NCKAP5: variants seen among roughly 807,000 people sequenced by gnomAD.
The protein encoded by NCKAP5 is nck-associated protein 5.
Under a neutral mutation model 167.0 loss-of-function variants are expected in NCKAP5, and 92 were observed. The observed-to-expected ratio is 0.55, with a 90% CI of 0.47 to 0.66. The LOEUF is 0.66. NCKAP5 is among the 30% of genes least tolerant of loss of function. The pLI is 0.00. For missense variants in NCKAP5, 2,378 were observed against 2,315.0 expected (o/e 1.03, Z -0.56); for synonymous variants, 891 against 877.4 (o/e 1.02, Z -0.27).
At chr2:132,855,739 C>A (rs369952983) in intron 11 of NCKAP5, among the ~76,000 whole-genome samples, 34 of 152,350 alleles carry the variant, frequency 2.2e-4, no homozygotes, top group African/African-American at 7.9e-4. Flanking sequence ...CTACCCCTCC[C>A]TTATTGCTCT....
At chr2:133,188,449 A>G (rs2085052625) in intron 5 of NCKAP5, among the ~76,000 whole-genome samples, 2 of 152,090 alleles carry the variant, frequency 1.3e-5, no homozygotes, top group South Asian at 4.1e-4. Context: ...AGACACCTAC[A>G]GAACTCTCCA....
At chr2:133,062,921 G>T (rs1317174841) in intron 6 of NCKAP5, among the ~76,000 whole-genome samples, 5 of 152,138 alleles carry the variant, frequency 3.3e-5, no homozygotes, top group Non-Finnish European at 7.4e-5. Flanking sequence ...AATTATCAGT[G>T]TTTTTCTGCC....
chr2:133,657,866 G>A, the NCKAP5 span, among the ~76,000 whole-genome samples: 34 of 152,228 alleles, frequency 2.2e-4, no homozygotes, highest in Non-Finnish European at 4.3e-4. Context: ...TCATCCCCCT[G>A]GGGGTTAGTA....
chr2:133,485,126 G>A (rs1680794439), intron 3 of NCKAP5, among the ~76,000 whole-genome samples: 1 of 152,100 alleles, frequency 6.6e-6, no homozygotes, highest in Non-Finnish European at 1.5e-5. Context: ...AGTAAAAGTA[G>A]GGAATGAGAC....
intron 3 of NCKAP5, among the ~76,000 whole-genome samples, chr2:133,321,188 C>A (rs912739116): frequency 4.6e-5 from 7 of 152,144 alleles, no homozygotes; most frequent in Admixed American, 6.5e-5. Flanking sequence ...CTGTCACCTC[C>A]CCAGATCGGA....
the NCKAP5 span, among the ~76,000 whole-genome samples, chr2:133,649,437 A>G: frequency 1.3e-5 from 2 of 152,016 alleles, no homozygotes; most frequent in Non-Finnish European, 2.9e-5. Flanking sequence ...ACAAAAAAAG[A>G]AAATTGCAGG....
intron 4 of NCKAP5, among the ~76,000 whole-genome samples, chr2:133,222,078 A>G (rs2086683493): frequency 6.6e-6 from 1 of 152,190 alleles, no homozygotes; most frequent in Non-Finnish European, 1.5e-5. Context: ...AACCTCAGAG[A>G]ATCCCATGAG....
chr2:132,933,005 A>G (rs1339789626), intron 8 of NCKAP5, among the ~76,000 whole-genome samples: 3 of 150,028 alleles, frequency 2.0e-5, no homozygotes, highest in Admixed American at 6.7e-5. Context: ...GCTCACTGCA[A>G]GCTCCGCCTC....
chr2:132,701,200 C>T (rs992024198), intron 19 of NCKAP5, among the ~76,000 whole-genome samples: 4 of 151,882 alleles, frequency 2.6e-5, no homozygotes, highest in African/African-American at 4.8e-5. Flanking sequence ...CTGGCAACAC[C>T]GTGGAAAGAT....
chr2:133,367,540 C>T (rs555782580), intron 3 of NCKAP5, among the ~76,000 whole-genome samples: 2 of 152,194 alleles, frequency 1.3e-5, no homozygotes, highest in Admixed American at 6.5e-5. Flanking sequence ...AAACAAAGTG[C>T]TGATTTTAGT....
intron 8 of NCKAP5, among the ~76,000 whole-genome samples, chr2:132,937,476 G>A (rs1460991805): frequency 1.3e-5 from 2 of 152,152 alleles, no homozygotes; most frequent in Non-Finnish European, 2.9e-5. Flanking sequence ...TTTTGTAAAC[G>A]CTTTCCTAAG....
intron 4 of NCKAP5, among the ~76,000 whole-genome samples, chr2:133,248,434 C>T (rs530867269): frequency 2.6e-5 from 4 of 152,306 alleles, no homozygotes; most frequent in South Asian, 2.1e-4. Flanking sequence ...GCCCTGGGCT[C>T]GTCTCCCATG....
chr2:133,158,233 T>C (rs1223143577), intron 5 of NCKAP5, among the ~76,000 whole-genome samples: 1 of 152,198 alleles, frequency 6.6e-6, no homozygotes, highest in Non-Finnish European at 1.5e-5. Flanking sequence ...ATTGTGTTCT[T>C]TGATCTCAGT....
Position 132,731,769 on chromosome 2 carries a change from A to G in NCKAP5, c.5411T>C (p.Leu1804Pro), listed in dbSNP as rs1294115040. 1 of 1,608,366 alleles carries G rather than the reference A, an allele frequency of 6.2e-7. No individual in the cohort carries two copies. Among genetic ancestry groups the G allele is most frequent in the South Asian group, 1.1e-5 (1 of 90,828 alleles). The change falls in exon 17 of 20, where the codon CTT becomes CCT. Residue 1804 changes from leucine (L) to proline (P), a missense_variant. This residue lies in a region of NCKAP5 where 1,325 missense variants were observed against 1,274.5 expected (regional missense o/e 1.04). Transcript: ENST00000409261. ...PIMTARGMRPLQSRLPKPASS... is the reference protein window; with the variant it reads ...PIMTARGMRPPQSRLPKPASS... Reference sequence around the variant, plus strand: ...AGCTGGTTTGGGGAGGCGGCTCTGAAGAGGCCTCATCCCTCTGGCGGTCAT... The same window carrying G: ...AGCTGGTTTGGGGAGGCGGCTCTGAGGAGGCCTCATCCCTCTGGCGGTCAT...
intron 8 of NCKAP5, among the ~76,000 whole-genome samples, chr2:132,891,044 T>C (rs1054076593): frequency 8.5e-5 from 13 of 152,312 alleles, no homozygotes; most frequent in African/African-American, 2.9e-4. Context: ...AGTCTTTGTT[T>C]AAAAAAGTTG....
intron 3 of NCKAP5, among the ~76,000 whole-genome samples, chr2:133,366,766 C>G (rs1287457410): frequency 6.6e-6 from 1 of 152,132 alleles, no homozygotes; most frequent in Non-Finnish European, 1.5e-5. Flanking sequence ...AAAATCAGAA[C>G]TTAAAGAGAC....
At chr2:133,044,227 G>A (rs1041579266) in intron 6 of NCKAP5, among the ~76,000 whole-genome samples, 5 of 152,042 alleles carry the variant, frequency 3.3e-5, no homozygotes, top group Non-Finnish European at 2.9e-5. Flanking sequence ...AAATAGCAAA[G>A]GAAAAGTCTG....
At chr2:133,249,071 C>T (rs528352515) in intron 4 of NCKAP5, among the ~76,000 whole-genome samples, 11 of 152,258 alleles carry the variant, frequency 7.2e-5, no homozygotes, top group Admixed American at 5.9e-4. Context: ...CATCCCACTA[C>T]CTGAATCACC....
intron 2 of NCKAP5, among the ~76,000 whole-genome samples, chr2:133,546,784 A>G (rs1686721580): frequency 6.6e-6 from 1 of 152,198 alleles, no homozygotes; most frequent in African/African-American, 2.4e-5. Flanking sequence ...CTACAACCCT[A>G]TCTAGGCATT....
Sources: allele counts gnomAD v4.1 joint callset (sites outside exome capture counted in the v4.1 genomes callset), GRCh38; gene constraint gnomAD v4.1.1; regional missense constraint gnomAD v4.1.1; transcripts MANE v1.5; gene names NCBI Gene and HGNC (gene_info 2026-07-23, HGNC 2026-07-21).